Variants in ATIC observed in about 807,000 individuals in gnomAD.
ATIC encodes 5-aminoimidazole-4-carboxamide ribonucleotide formyltransferase/IMP cyclohydrolase, also known as bifunctional purine biosynthesis protein ATIC.
Under a neutral mutation model 72.5 loss-of-function variants are expected in ATIC, and 64 were observed. That is an observed-to-expected ratio of 0.88 (90% confidence interval 0.72 to 1.09). The LOEUF (loss-of-function observed/expected upper bound fraction) is 1.09, where lower values mean the gene tolerates loss of function less well. ATIC is among the 50% of genes least tolerant of loss of function. The pLI is 0.00. For missense variants in ATIC, 787 were observed against 732.4 expected (o/e 1.07, Z -0.86); for synonymous variants, 281 against 267.1 (o/e 1.05, Z -0.51).
chr2:215,322,206 A>G (rs1161295617), intron 4 of ATIC, among the ~76,000 whole-genome samples: 2 of 151,730 alleles, frequency 1.3e-5, no homozygotes, highest in Non-Finnish European at 1.5e-5. Context: ...CCCGGCCCAC[A>G]AAAGTTTTTA....
chr2:215,366,913 T>C, the ATIC span, among the ~76,000 whole-genome samples: 1 of 152,238 alleles, frequency 6.6e-6, no homozygotes, highest in Non-Finnish European at 1.5e-5. Flanking sequence ...TGTGATGTTT[T>C]TAGTGTTTTT....
intron 2 of ATIC, 70 bp downstream of exon 2, chr2:215,312,694 CCAGCAGCAA>C: frequency 6.2e-7 from 1 of 1,609,880 alleles, no homozygotes; most frequent in Non-Finnish European, 8.5e-7. Flanking sequence ...ATTCCAGGCA[CCAGCAGCAA>C]AACGCCTTAT....
intron 2 of ATIC, among the ~76,000 whole-genome samples, chr2:215,316,924 G>A (rs1345198227): frequency 6.6e-6 from 1 of 152,070 alleles, no homozygotes; most frequent in Non-Finnish European, 1.5e-5. Flanking sequence ...CACCATGCCT[G>A]GCTAATTTTG....
In ATIC at chr2:215,323,346, C is replaced by G. The variant is rs191307636; in HGVS notation, c.291-1895C>G. Among the ~76,000 whole-genome samples, 324 of 152,234 alleles carry G rather than the reference C, an allele frequency of 2.1e-3. 1 individual carries two copies. The highest frequency in any genetic ancestry group is 7.5e-3 in the African/African-American group (310 of 41,526). On this transcript the variant is annotated intron_variant, in intron 4 of 15. Coordinates refer to ENST00000236959, the MANE Select transcript of ATIC (RefSeq NM_004044.7). ...GCTTGTCCATTTCTGCAAAACAACG[C>G]AGTTGGAATTTTCATAGGTATTGTG...
the ATIC span, chr2:215,364,957 C>T: frequency 1.3e-6 from 2 of 1,580,776 alleles, no homozygotes; most frequent in Non-Finnish European, 1.7e-6. Flanking sequence ...CGTGGTATGT[C>T]TTCCCATCAT....
chr2:215,365,275 G>T, the ATIC span, among the ~76,000 whole-genome samples: 3 of 152,110 alleles, frequency 2.0e-5, no homozygotes, highest in African/African-American at 7.2e-5. Flanking sequence ...TGCAGATAAT[G>T]GTCAAAATAC....
At chr2:215,339,548 A>AAGTCCATGTGGCAGTC in intron 12 of ATIC, among the ~76,000 whole-genome samples, 1 of 152,180 alleles carries the variant, frequency 6.6e-6, no homozygotes. Flanking sequence ...CTTTATCTGA[A>AAGTCCATGTGGCAGTC]AGTCCATGTG....
intron 7 of ATIC, among the ~76,000 whole-genome samples, chr2:215,328,421 C>T (rs990395064): frequency 3.3e-5 from 5 of 152,080 alleles, no homozygotes; most frequent in African/African-American, 7.2e-5. Context: ...CCTATCTGCC[C>T]CCTCAGCAGC....
chr2:215,349,885 C>CGATG (rs1387700307), downstream of ATIC: 1 of 673,214 alleles, frequency 1.5e-6, no homozygotes, highest in East Asian at 3.0e-5. Context: ...CTCAGCCCAT[C>CGATG]CCACAGCACT....
chr2:215,349,204 T>C lies in ATIC; in HGVS notation c.1614T>C (p.Ser538=), dbSNP rs753192586. 3 of 1,614,098 alleles carry C rather than the reference T, an allele frequency of 1.9e-6. No homozygotes were observed. Among genetic ancestry groups the C allele is most frequent in the Admixed American group, 3.3e-5 (2 of 60,010 alleles). ...AACTGACTGAAGTTTCTATCAGCTCTGATGCCTTCTTCCCTTTCCGAGATA... is the reference window on the plus strand; with the variant it reads ...AACTGACTGAAGTTTCTATCAGCTCCGATGCCTTCTTCCCTTTCCGAGATA... The part of the protein sequence containing the change: ...VEKLTEVSIS[S]DAFFPFRDNV... Residue 538 remains serine (S), a synonymous_variant, in exon 15 of 16, where the codon TCT becomes TCC. Transcript: ENST00000236959.
chr2:215,328,445 G>A (rs745423088), intron 7 of ATIC, among the ~76,000 whole-genome samples: 1 of 152,034 alleles, frequency 6.6e-6, no homozygotes, highest in Non-Finnish European at 1.5e-5. Context: ...CCCTGCGCCT[G>A]CTGCTAGCCC....
downstream of ATIC, among the ~76,000 whole-genome samples, chr2:215,350,756 A>G (rs555665541): frequency 6.6e-6 from 1 of 152,294 alleles, no homozygotes; most frequent in African/African-American, 2.4e-5. Flanking sequence ...CTTCATCAGG[A>G]CAGACCTGTG....
chr2:215,349,427 C>T lies in ATIC; in HGVS notation c.1660-109C>T, dbSNP rs2053108366. ...AACCCAAATCCTGTTGTTATTTTGCCTTTTTGACTGAGTGTATCTTTGTTA... is the reference window on the plus strand; with the variant it reads ...AACCCAAATCCTGTTGTTATTTTGCTTTTTTGACTGAGTGTATCTTTGTTA... On this transcript the variant is annotated intron_variant, in intron 15 of 15. Transcript: ENST00000236959. The T allele has an allele frequency of 3.1e-6, 5 of 1,593,144 alleles. No homozygotes were observed. The Admixed American group carries it at 7.0e-5, about 22-fold the overall frequency.
intron 11 of ATIC, among the ~76,000 whole-genome samples, chr2:215,337,889 G>A (rs959113363): frequency 2.6e-5 from 4 of 152,114 alleles, no homozygotes; most frequent in East Asian, 1.9e-4. Flanking sequence ...CACATTGGAC[G>A]CATGATTATA....
intron 12 of ATIC, 57 bp from the exon 13 acceptor site, chr2:215,344,722 T>C: frequency 6.6e-7 from 1 of 1,517,486 alleles, no homozygotes; most frequent in South Asian, 1.1e-5. Context: ...AAAAGAAGCT[T>C]AAAGTTAAAT....
chr2:215,366,515 A>G, the ATIC span, among the ~76,000 whole-genome samples: 2 of 152,238 alleles, frequency 1.3e-5, no homozygotes, highest in South Asian at 2.1e-4. Flanking sequence ...TCCACATCAA[A>G]TAAGTCTGGT....
chr2:215,320,834 G>C lies in ATIC; in HGVS notation c.290+1103G>C, dbSNP rs531585833. On this transcript the variant is annotated intron_variant, in intron 4 of 15. Transcript: ENST00000236959. ...TGACCTCAAATGATGCACCCACCCC[G>C]GCCTCCCAAAGTGCTGGGATTAGGT... Among the ~76,000 whole-genome samples the C allele has an allele frequency of 7.9e-5, 12 of 152,140 alleles. No individual in the cohort carries two copies. The East Asian group carries it at 2.3e-3, about 29-fold the overall frequency.
At chr2:215,331,214 G>A (rs1214537521) in intron 7 of ATIC, among the ~76,000 whole-genome samples, 3 of 151,910 alleles carry the variant, frequency 2.0e-5, no homozygotes, top group African/African-American at 4.8e-5. Flanking sequence ...TAAGGACAGT[G>A]ACTTTTTTTT....
At chr2:215,345,372 T>G (rs897991668) in intron 13 of ATIC, 4 of 193,602 alleles carry the variant, frequency 2.1e-5, no homozygotes, top group Non-Finnish European at 4.3e-5. Context: ...ATAATTTGTA[T>G]ACAGTAGAAT....
Sources: allele counts gnomAD v4.1 joint callset (sites outside exome capture counted in the v4.1 genomes callset), GRCh38; gene constraint gnomAD v4.1.1; transcripts MANE v1.5; gene names NCBI Gene and HGNC (gene_info 2026-07-23, HGNC 2026-07-21).